The following NEK4 variants were observed in gnomAD, a reference collection of about 807,000 sequenced individuals.
The protein encoded by NEK4 is serine/threonine-protein kinase Nek4.
A neutral mutation model predicts 98.4 loss-of-function variants in NEK4; 86 were observed. The ratio of observed to expected loss-of-function variants is 0.87; its 90% CI spans 0.73 to 1.05. NEK4 has a LOEUF of 1.05. NEK4 is among the 50% of genes least tolerant of loss of function. The pLI is 0.00. For missense variants in NEK4, 898 were observed against 950.3 expected (o/e 0.94, Z 0.72); for synonymous variants, 328 against 342.2 (o/e 0.96, Z 0.46).
chr3:52,761,002 G>A, intron 5 of NEK4, 66 bp from the exon 6 acceptor site: 3 of 985,152 alleles, frequency 3.0e-6, no homozygotes, highest in Non-Finnish European at 4.6e-6. Context: ...TTAGGTATAT[G>A]TGGGAGTGTG....
At chr3:52,723,286 G>T (rs1362650645) in intron 15 of NEK4, among the ~76,000 whole-genome samples, 1 of 152,030 alleles carries the variant, frequency 6.6e-6, no homozygotes, top group Non-Finnish European at 1.5e-5. Context: ...TTGAGATGGA[G>T]TCTTGCTCCA....
chr3:52,739,709 C>T (rs578106371), intron 13 of NEK4, 75 bp from the exon 14 acceptor site: 18 of 1,304,458 alleles, frequency 1.4e-5, no homozygotes, highest in East Asian at 6.9e-5. Context: ...ACGTGCAAAA[C>T]GACCTTTCGG....
At chr3:52,719,959 A>G (rs2154102134) in intron 15 of NEK4, among the ~76,000 whole-genome samples, 1 of 152,284 alleles carries the variant, frequency 6.6e-6, no homozygotes, top group African/African-American at 2.4e-5. Flanking sequence ...CCAAATATGT[A>G]TAAAGAAAAC....
rs2097406368 is a variant in NEK4 at position 52,752,185 on chromosome 3, G to T, written c.1115C>A (p.Ala372Glu). The T allele has an allele frequency of 1.9e-6, 3 of 1,614,144 alleles. No homozygotes were observed. The highest frequency in any genetic ancestry group is 2.5e-6 in the Non-Finnish European group (3 of 1,180,028). Reference sequence around the variant, plus strand: ...ATCACTCACTGAATCCCTCCCTTTTGCAGGTAAGATGTCAATATTTACGCT... The same window carrying T: ...ATCACTCACTGAATCCCTCCCTTTTTCAGGTAAGATGTCAATATTTACGCT... Reference protein sequence around the residue: ...ISSVNIDILPAKGRDSVSDGF... With the variant: ...ISSVNIDILPEKGRDSVSDGF... Residue 372 changes from alanine to glutamate, a missense_variant, in exon 7 of 16, where the codon GCA becomes GAA. Physicochemically the swap from Ala to Glu is moderately radical, Grantham distance 107. Coordinates refer to ENST00000233027, the MANE Select transcript of NEK4 (RefSeq NM_003157.6).
At chr3:52,762,272 C>G (rs1190404622) in intron 5 of NEK4, among the ~76,000 whole-genome samples, 5 of 152,168 alleles carry the variant, frequency 3.3e-5, no homozygotes, top group Non-Finnish European at 7.3e-5. Flanking sequence ...GAAATGTGAG[C>G]ACTACTTTTT....
intron 12 of NEK4, 142 bp from the exon 13 acceptor site, chr3:52,741,641 G>A (rs576462301): frequency 3.9e-6 from 2 of 516,432 alleles, no homozygotes; most frequent in South Asian, 3.2e-5. Flanking sequence ...TACAAAAATT[G>A]TTCCCATATG....
At chr3:52,744,579 G>C (rs2097392593) in intron 10 of NEK4, among the ~76,000 whole-genome samples, 1 of 151,556 alleles carries the variant, frequency 6.6e-6, no homozygotes. Flanking sequence ...AGCTACTCGG[G>C]AGGCTGAGGC....
Position 52,760,812 on chromosome 3 carries a change from A to C in NEK4, c.946T>G (p.Ser316Ala), listed in dbSNP as rs1204464437. ...AAACGTACCATTATATATGTCTGGG[A>C]GCCCTCAGAAGAGAGTGGTTGGGGG... The part of the protein sequence containing the change: ...IHPQPLSSEG[S>A]QTYIMGEGKC... The change falls in exon 6 of 16, where the codon TCC becomes GCC. Residue 316 changes from serine to alanine, a missense_variant. By Grantham distance (99) the Ser-to-Ala change is moderately conservative. Transcript: ENST00000233027. The C allele has an allele frequency of 1.9e-6, 3 of 1,607,360 alleles. No homozygotes were observed. Among genetic ancestry groups the C allele is most frequent in the Non-Finnish European group, 1.7e-6 (2 of 1,177,050 alleles).
chr3:52,762,942 C>T (rs1698411459), intron 5 of NEK4, among the ~76,000 whole-genome samples: 1 of 151,940 alleles, frequency 6.6e-6, no homozygotes, highest in Admixed American at 6.5e-5. Context: ...CCTTTTTCTT[C>T]CAGAAAGCAG....
chr3:52,769,625 C>T (rs1578715874), intron 1 of NEK4, among the ~76,000 whole-genome samples: 1 of 152,296 alleles, frequency 6.6e-6, no homozygotes, highest in East Asian at 1.9e-4. Flanking sequence ...GCTTGTGTTC[C>T]ACGCAAAGCA....
At chr3:52,763,378 C>G (rs1698428519) in intron 5 of NEK4, 92 bp downstream of exon 5, 1 of 1,259,062 alleles carries the variant, frequency 7.9e-7, no homozygotes, top group African/African-American at 1.5e-5. Context: ...TTTAAGAAAA[C>G]TCACCATTAA....
chr3:52,766,039 T>C, intron 3 of NEK4, 45 bp from the exon 4 acceptor site: 2 of 1,455,818 alleles, frequency 1.4e-6, no homozygotes, highest in Non-Finnish European at 9.5e-7. Flanking sequence ...GAATAGCTTA[T>C]TTACATTTTT....
intron 6 of NEK4, among the ~76,000 whole-genome samples, chr3:52,753,200 A>T (rs985955396): frequency 1.3e-5 from 2 of 151,748 alleles, no homozygotes; most frequent in Non-Finnish European, 2.9e-5. Context: ...GCTACTTGGA[A>T]GCCTGAGTGG....
At chr3:52,726,042 T>C (rs1483363473) in intron 15 of NEK4, among the ~76,000 whole-genome samples, 2 of 152,044 alleles carry the variant, frequency 1.3e-5, no homozygotes, top group African/African-American at 4.8e-5. Context: ...ACATAAATTG[T>C]AACCAAAGGA....
chr3:52,768,864 C>T (rs1214147986), intron 1 of NEK4, among the ~76,000 whole-genome samples: 3 of 151,964 alleles, frequency 2.0e-5, no homozygotes, highest in Non-Finnish European at 2.9e-5. Flanking sequence ...TCATTAATGA[C>T]TAAAAAAAGT....
chr3:52,728,478 T>C (rs1352846606), intron 15 of NEK4, among the ~76,000 whole-genome samples: 2 of 152,248 alleles, frequency 1.3e-5, no homozygotes, highest in Non-Finnish European at 2.9e-5. Flanking sequence ...TGTTTTACTT[T>C]AATCTCTTAA....
chr3:52,712,791 C>T (rs191700379), intron 15 of NEK4, among the ~76,000 whole-genome samples: 4 of 152,266 alleles, frequency 2.6e-5, no homozygotes, highest in Middle Eastern at 3.4e-3. Flanking sequence ...TGTGCTTTTC[C>T]GCTGGCATGC....
chr3:52,757,179 G>T (rs1698137278), intron 6 of NEK4, among the ~76,000 whole-genome samples: 1 of 152,188 alleles, frequency 6.6e-6, no homozygotes, highest in African/African-American at 2.4e-5. Context: ...AGAAGTTGTG[G>T]AAAACAGTAC....
chr3:52,758,311 T>C (rs1490086587), intron 6 of NEK4, among the ~76,000 whole-genome samples: 2 of 151,838 alleles, frequency 1.3e-5, no homozygotes, highest in Non-Finnish European at 2.9e-5. Context: ...ATGAGAGTTA[T>C]GAAGATGAGG....
Sources: gnomAD v4.1 joint callset for allele counts (sites outside exome capture counted in the v4.1 genomes callset) on GRCh38, gnomAD v4.1.1 for gene constraint, MANE v1.5 for transcripts, NCBI Gene and HGNC (gene_info 2026-07-23, HGNC 2026-07-21) for gene names.